Variants in ST8SIA1 observed in about 807,000 individuals in gnomAD.
ST8SIA1 encodes alpha-N-acetylneuraminide alpha-2,8-sialyltransferase.
Under a neutral mutation model 35.9 loss-of-function variants are expected in ST8SIA1, and 16 were observed. The observed-to-expected ratio is 0.45, with a 90% confidence interval of 0.30 to 0.68. The LOEUF is 0.68. Among genes scored for constraint, ST8SIA1 ranks in the 30% least tolerant of loss-of-function variants. The pLI, the probability that ST8SIA1 is intolerant of heterozygous loss-of-function variation, is 0.09. For missense variants in ST8SIA1, 383 were observed against 453.6 expected (o/e 0.84, Z 1.41); for synonymous variants, 170 against 169.6 (o/e 1.00, Z -0.02).
intron 1 of ST8SIA1, among the ~76,000 whole-genome samples, chr12:22,293,309 A>G (rs1353705585): frequency 6.6e-6 from 1 of 152,240 alleles, no homozygotes; most frequent in East Asian, 1.9e-4. Context: ...ATATTGTCAA[A>G]CATCCAAATG....
chr12:22,269,374 C>T (rs200285363), intron 2 of ST8SIA1, among the ~76,000 whole-genome samples: 4 of 151,992 alleles, frequency 2.6e-5, no homozygotes, highest in Admixed American at 6.6e-5. Context: ...TGTATATTAC[C>T]TGCAGTGATT....
chr12:22,325,484 G>T (rs1467591952), intron 1 of ST8SIA1: 1 of 701,738 alleles, frequency 1.4e-6, no homozygotes, highest in Non-Finnish European at 2.6e-6. Flanking sequence ...AACAGAAAGG[G>T]ATAAAAATCG....
chr12:22,316,846 A>G (rs1866527333), intron 1 of ST8SIA1, among the ~76,000 whole-genome samples: 1 of 152,230 alleles, frequency 6.6e-6, no homozygotes, highest in South Asian at 2.1e-4. Flanking sequence ...AGTCTCACTC[A>G]TCAATACAAT....
chr12:22,322,811 G>A (rs1432709887), intron 1 of ST8SIA1, among the ~76,000 whole-genome samples: 8 of 152,112 alleles, frequency 5.3e-5, no homozygotes, highest in African/African-American at 1.9e-4. Flanking sequence ...TCACCAGGTG[G>A]GTATGATCTG....
chr12:22,228,267 C>G (rs1172058210), intron 4 of ST8SIA1, among the ~76,000 whole-genome samples: 1 of 152,210 alleles, frequency 6.6e-6, no homozygotes, highest in Non-Finnish European at 1.5e-5. Context: ...AGTCTTTTCC[C>G]ATCTTCTTCC....
intron 2 of ST8SIA1, among the ~76,000 whole-genome samples, chr12:22,279,605 T>C (rs1591842697): frequency 6.6e-6 from 1 of 152,204 alleles, no homozygotes; most frequent in South Asian, 2.1e-4. Flanking sequence ...TGGGTATAGC[T>C]CCATCCACCC....
intron 1 of ST8SIA1, among the ~76,000 whole-genome samples, chr12:22,317,858 G>C (rs960306342): frequency 6.6e-6 from 1 of 152,198 alleles, no homozygotes; most frequent in Admixed American, 6.5e-5. Flanking sequence ...GCATCACCAT[G>C]TATAACACAT....
intron 3 of ST8SIA1, among the ~76,000 whole-genome samples, chr12:22,252,616 A>G (rs1161889082): frequency 6.6e-6 from 1 of 152,218 alleles, no homozygotes; most frequent in East Asian, 1.9e-4. Flanking sequence ...TCATCTCCCC[A>G]TATTTTAGAA....
intron 4 of ST8SIA1, among the ~76,000 whole-genome samples, chr12:22,211,955 C>A (rs112924212): frequency 6.6e-6 from 1 of 152,162 alleles, no homozygotes; most frequent in Non-Finnish European, 1.5e-5. Flanking sequence ...AGGTGATCCA[C>A]GCACCTCGGC....
rs1864954462 is a variant in ST8SIA1, at chr12:22,194,046, T to C, written c.*7506A>G. 2.6e-5 allele frequency: 4 copies of C among 152,188 alleles called. No homozygotes were observed. Among genetic ancestry groups the C allele is most frequent in the Admixed American group, 2.6e-4 (4 of 15,274 alleles). 9.4% of individuals were successfully genotyped at this position (152,188 alleles called of 1,614,324 possible). ...TGCTGCACGGTAACTGGAATTTTAGTAATATTTCAGACTTGTTAAAGATTA... is the reference window on the plus strand; with the variant it reads ...TGCTGCACGGTAACTGGAATTTTAGCAATATTTCAGACTTGTTAAAGATTA... On this transcript the variant is annotated 3_prime_UTR_variant, in exon 5 of 5. Coordinates refer to ENST00000396037, the MANE Select transcript of ST8SIA1 (RefSeq NM_003034.4).
intron 3 of ST8SIA1, among the ~76,000 whole-genome samples, chr12:22,249,809 A>C (rs2120752465): frequency 6.6e-6 from 1 of 152,312 alleles, no homozygotes; most frequent in African/African-American, 2.4e-5. Context: ...AGGACATGGG[A>C]CCTACAGTAC....
In ST8SIA1 at chr12:22,231,280, T is replaced by C. The variant is rs146106386; in HGVS notation, c.584+17726A>G. ...CCATGTCCTGCTGGAAATGCTGACT[T>C]GACATTCCAACTGTTCCACGATCAC... On this transcript the variant is annotated intron_variant, in intron 4 of 4. Coordinates refer to ENST00000396037, the MANE Select transcript of ST8SIA1 (RefSeq NM_003034.4). Among the ~76,000 whole-genome samples, 696 of 151,684 alleles carry C rather than the reference T, an allele frequency of 4.6e-3. 7 individuals carry two copies. The highest frequency in any genetic ancestry group is 0.016 in the African/African-American group (670 of 41,476).
At chr12:22,318,985 T>C (rs950200010) in intron 1 of ST8SIA1, among the ~76,000 whole-genome samples, 1 of 152,214 alleles carries the variant, frequency 6.6e-6, no homozygotes, top group Non-Finnish European at 1.5e-5. Flanking sequence ...AATGATGATC[T>C]TAACATCCAC....
rs140962245 is a variant in ST8SIA1, at chr12:22,257,024, C to G, written c.382-1635G>C. ...TGCCTACTATGCGTCAGGCACTGCC[C>G]TGGGTGACAAGGACATAAGTAAAAA... On this transcript the variant is annotated intron_variant, in intron 2 of 4. Transcript: ENST00000396037. Among the ~76,000 whole-genome samples the G allele has an allele frequency of 5.3e-3, 814 of 152,266 alleles. 9 individuals are homozygous for G. Among genetic ancestry groups the G allele is most frequent in the African/African-American group, 0.019 (782 of 41,532 alleles).
chr12:22,322,597 A>G (rs1866615732), intron 1 of ST8SIA1, among the ~76,000 whole-genome samples: 1 of 152,256 alleles, frequency 6.6e-6, no homozygotes, highest in African/African-American at 2.4e-5. Context: ...TGAGACAGAC[A>G]TATATCAACA....
chr12:22,229,894 A>G (rs1264458897), intron 4 of ST8SIA1, among the ~76,000 whole-genome samples: 1 of 152,156 alleles, frequency 6.6e-6, no homozygotes, highest in Non-Finnish European at 1.5e-5. Flanking sequence ...ACATTAAGGT[A>G]GCAGATGAAA....
intron 1 of ST8SIA1, 164 bp downstream of exon 1, chr12:22,333,833 G>T (rs1327818484): frequency 5.0e-6 from 4 of 793,202 alleles, no homozygotes; most frequent in Non-Finnish European, 4.5e-6. Context: ...CCTGACTAAA[G>T]TCTCCAGGTT....
chr12:22,318,840 A>C (rs1330477869), intron 1 of ST8SIA1, among the ~76,000 whole-genome samples: 5 of 152,258 alleles, frequency 3.3e-5, no homozygotes, highest in African/African-American at 7.2e-5. Flanking sequence ...CCCTGAATGC[A>C]AATGTGGATC....
chr12:22,219,603 A>T (rs1438795915), intron 4 of ST8SIA1, among the ~76,000 whole-genome samples: 2 of 152,190 alleles, frequency 1.3e-5, no homozygotes, highest in African/African-American at 4.8e-5. Flanking sequence ...AAGCCACAAG[A>T]TAATTAATTT....
Sources: gnomAD v4.1 joint callset for allele counts (sites outside exome capture counted in the v4.1 genomes callset) on GRCh38, gnomAD v4.1.1 for gene constraint, MANE v1.5 for transcripts, NCBI Gene and HGNC (gene_info 2026-07-23, HGNC 2026-07-21) for gene names.